Variants in ACTN1 observed in about 807,000 individuals in gnomAD.
ACTN1 encodes the protein actinin alpha 1, also known as alpha-actinin-1.
In ACTN1, 30 loss-of-function variants were observed where a neutral mutation model predicts 119.6. The observed-to-expected ratio is 0.25, with a 90% CI of 0.19 to 0.34. The LOEUF (loss-of-function observed/expected upper bound fraction) is 0.34, where lower values mean the gene tolerates loss of function less well. Among genes scored for constraint, ACTN1 ranks in the 10% least tolerant of loss-of-function variants. The pLI is 1.00. For missense variants in ACTN1, 764 were observed against 1,223.4 expected, an observed-to-expected ratio of 0.62 and a Z score of 5.60; for synonymous variants, 429 against 472.6, an observed-to-expected ratio of 0.91 and a Z score of 1.20.
chr14:68,883,475 A>C, intron 14 of ACTN1: 1 of 169,444 alleles, frequency 5.9e-6, no homozygotes, highest in Non-Finnish European at 1.3e-5. Context: ...TGTTACATTA[A>C]AAATCAAGGT....
chr14:68,892,330 G>A (rs1333257543), intron 9 of ACTN1, 47 bp from the exon 10 acceptor site: 3 of 1,569,704 alleles, frequency 1.9e-6, no homozygotes, highest in South Asian at 1.2e-5. Flanking sequence ...GGCGGGGAGG[G>A]AGTGTGCTAG....
At chr14:68,904,870 A>T in intron 6 of ACTN1, 134 bp from the exon 7 acceptor site, 1 of 667,672 alleles carries the variant, frequency 1.5e-6, no homozygotes. Flanking sequence ...CTCAGGGGAC[A>T]GCTCCAGATG....
intron 1 of ACTN1, among the ~76,000 whole-genome samples, chr14:68,949,101 T>A (rs576997890): frequency 6.6e-6 from 1 of 152,282 alleles, no homozygotes; most frequent in Non-Finnish European, 1.5e-5. Flanking sequence ...TTTGCATTAG[T>A]CTCTGTAATT....
rs374861899 is a variant in ACTN1 at position 68,875,027 on chromosome 14, G to C, written c.2587-10C>G. ...CCATGGTAATGTAGTTCTGCGAGGA[G>C]AGAGTGGTCAGGAAGGCCGCAAAGT... On this transcript the variant is annotated splice_polypyrimidine_tract_variant and intron_variant, in intron 21 of 21. Transcript: ENST00000394419. 7 of 1,612,364 alleles carry C rather than the reference G, an allele frequency of 4.3e-6. No homozygotes were observed. The highest frequency in any genetic ancestry group is 1.3e-5 in the African/African-American group (1 of 75,070).
chr14:68,953,798 A>G (rs2036255892), intron 1 of ACTN1, among the ~76,000 whole-genome samples: 1 of 152,014 alleles, frequency 6.6e-6, no homozygotes, highest in South Asian at 2.1e-4. Flanking sequence ...GAGGCAGAAG[A>G]ATCACCTAAA....
At chr14:68,890,347 GC>G in intron 10 of ACTN1, 61 bp from the exon 11 acceptor site, 2 of 1,593,776 alleles carry the variant, frequency 1.3e-6, no homozygotes, top group Non-Finnish European at 1.7e-6. Flanking sequence ...AGGTCCCCTA[GC>G]CCCCTAGACC....
intron 1 of ACTN1, among the ~76,000 whole-genome samples, chr14:68,956,333 GA>G (rs966924016): frequency 4.6e-5 from 7 of 152,222 alleles, no homozygotes; most frequent in African/African-American, 1.7e-4. Context: ...ATTAAAGGGG[GA>G]AAAAATGTAA....
At chr14:68,929,461 T>TC in intron 1 of ACTN1, among the ~76,000 whole-genome samples, 1 of 81,542 alleles carries the variant, frequency 1.2e-5, no homozygotes, top group South Asian at 9.9e-4. Flanking sequence ...GCCATGTTAC[T>TC]GCTCAGCCCG....
chr14:68,888,095 G>C, intron 11 of ACTN1: 1 of 667,542 alleles, frequency 1.5e-6, no homozygotes, highest in Non-Finnish European at 2.8e-6. Flanking sequence ...CCTGGCGGCA[G>C]GGAGGGCGCG....
rs2031165445 is a variant in ACTN1, at chr14:68,878,634, T to C, written c.2362-111A>G. Reference sequence around the variant, plus strand: ...CAGATGGCCAGAACGGGGATGAGATTTATGGTTTTGGGGGTCAGGATAGGT... The same window carrying C: ...CAGATGGCCAGAACGGGGATGAGATCTATGGTTTTGGGGGTCAGGATAGGT... On this transcript the variant is annotated intron_variant, in intron 19 of 21. Coordinates refer to ENST00000394419, the MANE Select transcript of ACTN1 (RefSeq NM_001130004.2). This position sits in a 1 kb window ranked among gnomAD's most constrained non-coding sequence, Gnocchi z 4.4. 6.4e-7 allele frequency: 1 copy of C among 1,562,484 alleles called. No individual in the cohort carries two copies.
At chr14:68,932,539 T>TTTTTTTTTTTA in intron 1 of ACTN1, among the ~76,000 whole-genome samples, 1 of 117,150 alleles carries the variant, frequency 8.5e-6, no homozygotes, top group Non-Finnish European at 1.7e-5. Flanking sequence ...TTTTTTTTTT[T>TTTTTTTTTTTA]AATTTTTCTT....
chr14:68,974,461 T>C (rs2036996811), intron 1 of ACTN1, among the ~76,000 whole-genome samples: 2 of 152,150 alleles, frequency 1.3e-5, no homozygotes, highest in Admixed American at 6.5e-5. Flanking sequence ...TAAGGGAGAA[T>C]GGGAGGGGGT....
At position 68,885,595 on chromosome 14, in the gene ACTN1, C is replaced by T. The variant is rs1371420123; in HGVS notation, c.1235-20G>A. The T allele has an allele frequency of 1.2e-6, 2 of 1,609,568 alleles. No homozygotes were observed. Among genetic ancestry groups the T allele is most frequent in the South Asian group, 1.1e-5 (1 of 91,022 alleles). On this transcript the variant is annotated intron_variant, in intron 11 of 21. Coordinates refer to ENST00000394419, the MANE Select transcript of ACTN1 (RefSeq NM_001130004.2). This position sits in a 1 kb window ranked among gnomAD's most constrained non-coding sequence, Gnocchi z 5.6. ...CTTTGCCTGGGTTGAGAGAGGGCCA[C>T]ATGGCTGAGCTGGAGTGAGAAGCAT...
chr14:68,896,940 C>T (rs568714334), intron 8 of ACTN1, among the ~76,000 whole-genome samples: 1 of 152,278 alleles, frequency 6.6e-6, no homozygotes, highest in South Asian at 2.1e-4. Flanking sequence ...TACTAGAAAT[C>T]TGTGTTTCCT....
chr14:68,921,929 A>C (rs931069620), intron 2 of ACTN1, among the ~76,000 whole-genome samples: 2 of 152,160 alleles, frequency 1.3e-5, no homozygotes, highest in African/African-American at 4.8e-5. Flanking sequence ...AGAACCTTTG[A>C]GAAAATAAAG....
chr14:68,957,110 G>A (rs769681482), intron 1 of ACTN1, among the ~76,000 whole-genome samples: 1 of 152,122 alleles, frequency 6.6e-6, no homozygotes, highest in Non-Finnish European at 1.5e-5. Context: ...ATCATCCACA[G>A]CCCCTGGAAA....
chr14:68,898,918 C>G (rs2033073048), intron 8 of ACTN1, among the ~76,000 whole-genome samples: 1 of 151,486 alleles, frequency 6.6e-6, no homozygotes, highest in African/African-American at 2.4e-5. Context: ...ACCCCACACA[C>G]CCCTCACACA....
intron 1 of ACTN1, among the ~76,000 whole-genome samples, chr14:68,935,693 T>A (rs1172539532): frequency 6.6e-6 from 1 of 152,116 alleles, no homozygotes; most frequent in Non-Finnish European, 1.5e-5. Context: ...GCTAGAGCGC[T>A]CTATTCTGAT....
chr14:68,974,544 C>T (rs2036998660), intron 1 of ACTN1, among the ~76,000 whole-genome samples: 1 of 148,478 alleles, frequency 6.7e-6, no homozygotes, highest in African/African-American at 2.5e-5. Flanking sequence ...CACCTCTGTC[C>T]TACAACATCA....
Sources: gnomAD v4.1 joint callset for allele counts (sites outside exome capture counted in the v4.1 genomes callset) on GRCh38, gnomAD v4.1.1 for gene constraint, Gnocchi (gnomAD v3.1) non-coding constraint, MANE v1.5 for transcripts, NCBI Gene and HGNC (gene_info 2026-07-23, HGNC 2026-07-21) for gene names.